Variants in WFDC8 observed in about 807,000 individuals in gnomAD.
The protein encoded by WFDC8 is WAP four-disulfide core domain protein 8.
WFDC8 carries 24 observed loss-of-function variants against 27.0 expected under a neutral mutation model. The observed-to-expected ratio is 0.89, with a 90% CI of 0.64 to 1.25. The LOEUF (loss-of-function observed/expected upper bound fraction) is 1.25, where lower values mean the gene tolerates loss of function less well. WFDC8 is among the 50% of genes most tolerant of loss of function. WFDC8 has a pLI of 0.00. For synonymous variants in WFDC8, 106 were observed against 99.7 expected, an observed-to-expected ratio of 1.06 and a Z score of -0.38; for missense variants, 287 against 295.9, an observed-to-expected ratio of 0.97 and a Z score of 0.22.
At position 45,553,275 on chromosome 20, in the gene WFDC8, A is replaced by T; in HGVS notation, c.447T>A (p.Val149=). 6.2e-7 allele frequency: 1 copy of T among 1,612,590 alleles called. No individual in the cohort carries two copies. The highest frequency in any genetic ancestry group is 1.3e-5 in the African/African-American group (1 of 74,990). The change falls in exon 5 of 6, where the codon GTT becomes GTA. Residue 149 remains valine (V), a splice_region_variant and synonymous_variant. Coordinates refer to ENST00000289953, the MANE Select transcript of WFDC8 (RefSeq NM_130896.3). ...GGAAGAGTGGGCATTGTCCATCCTT[A>T]ACTAAAATAAGAGCAGATGTGAGCT... The part of the protein sequence containing the change: ...DACRTACMLI[V]KDGQCPLFPF...
At chr20:45,572,664 T>C (rs756218363) in intron 1 of WFDC8, among the ~76,000 whole-genome samples, 1 of 152,216 alleles carries the variant, frequency 6.6e-6, no homozygotes, top group Non-Finnish European at 1.5e-5. Context: ...TGGAGTGCAG[T>C]GGTGTGATCT....
intron 1 of WFDC8, among the ~76,000 whole-genome samples, chr20:45,570,672 A>G (rs1407622271): frequency 1.3e-5 from 2 of 152,214 alleles, no homozygotes; most frequent in East Asian, 3.8e-4. Context: ...TTAAATAAAT[A>G]CCAGGAAGTG....
chr20:45,561,306 C>A (rs762581393), intron 2 of WFDC8, among the ~76,000 whole-genome samples: 6 of 152,176 alleles, frequency 3.9e-5, no homozygotes, highest in Non-Finnish European at 8.8e-5. Flanking sequence ...TTCCTCCAGA[C>A]TCATCCTCTA....
chr20:45,572,375 C>T (rs189298457), intron 1 of WFDC8, among the ~76,000 whole-genome samples: 177 of 131,352 alleles, frequency 1.3e-3, no homozygotes, highest in South Asian at 0.011. Flanking sequence ...CCAGCCTGGG[C>T]GACAGAGTGA....
chr20:45,568,448 G>A (rs6065836), intron 1 of WFDC8: 147,998 of 295,098 alleles, frequency 0.5, 38,029 homozygotes, highest in African/African-American at 0.58. Flanking sequence ...TTTGCTGAGT[G>A]TATGTCTTCT....
chr20:45,551,617 CA>C (rs11479142), downstream of WFDC8: 18,876 of 124,376 alleles, frequency 0.15, 1,459 homozygotes, highest in East Asian at 0.34. Context: ...CTCCGTCTCA[CA>C]AAAAAAAAAA....
chr20:45,563,432 G>T (rs1980540129), intron 1 of WFDC8, among the ~76,000 whole-genome samples: 2 of 152,192 alleles, frequency 1.3e-5, no homozygotes, highest in African/African-American at 4.8e-5. Flanking sequence ...TTCACATCCT[G>T]AATCCACCAC....
At chr20:45,555,388 A>G (rs1022926256) in intron 4 of WFDC8, among the ~76,000 whole-genome samples, 34 of 152,220 alleles carry the variant, frequency 2.2e-4, no homozygotes, top group African/African-American at 8.2e-4. Context: ...TATGATGAGG[A>G]AACACCTTCT....
Position 45,558,982 on chromosome 20 carries a change from C to A in WFDC8, c.147G>T (p.Gly49=). 1 of 1,613,784 alleles carries A rather than the reference C, an allele frequency of 6.2e-7. No homozygotes were observed. The highest frequency in any genetic ancestry group is 8.5e-7 in the Non-Finnish European group (1 of 1,179,908). Residue 49 remains glycine (G), a synonymous_variant, in exon 3 of 6, where the codon GGG becomes GGT. Coordinates refer to ENST00000289953, the MANE Select transcript of WFDC8 (RefSeq NM_130896.3). ...AGGTGAGCCTCTCTTTGGGACATAA[C>A]CCTGGTTTGTCTGCAAGAAAGAAAT... ...MLTKKIKHKP[G]LCPKERLTCT...
chr20:45,555,944 C>A, intron 3 of WFDC8, 76 bp from the exon 4 acceptor site: 1 of 1,459,022 alleles, frequency 6.9e-7, no homozygotes, highest in South Asian at 1.2e-5. Context: ...TAGCATTTCT[C>A]ATAACTCCTG....
Position 45,575,532 on chromosome 20 carries a change from GAT to G in WFDC8, c.26+3688_26+3689del, listed in dbSNP as rs374500414. Among the ~76,000 whole-genome samples, 340 of 147,038 alleles carry G rather than the reference GAT, an allele frequency of 2.3e-3. 2 individuals carry two copies. Among genetic ancestry groups the G allele is most frequent in the African/African-American group, 7.8e-3 (322 of 41,076 alleles). ...TGGAGAAGACATAAATAAATGAAAA[GAT>G]ATTTCATATTCATATTTCATATGGA... On this transcript the variant is annotated intron_variant, in intron 1 of 5. Transcript: ENST00000289953.
intron 2 of WFDC8, 22 bp downstream of exon 2, chr20:45,562,088 G>A (rs1403071986): frequency 6.2e-7 from 1 of 1,604,476 alleles, no homozygotes; most frequent in Non-Finnish European, 8.5e-7. Context: ...AGGAAGAATG[G>A]CTGCAGCTTT....
At chr20:45,554,378 G>A (rs1362657752) in intron 4 of WFDC8, among the ~76,000 whole-genome samples, 1 of 152,102 alleles carries the variant, frequency 6.6e-6, no homozygotes. Context: ...AGGTCCAGGT[G>A]GAGATGTAGA....
intron 2 of WFDC8, among the ~76,000 whole-genome samples, chr20:45,561,394 C>A (rs1280254084): frequency 2.6e-5 from 4 of 152,210 alleles, no homozygotes; most frequent in African/African-American, 4.8e-5. Flanking sequence ...TCTGTTCCAA[C>A]ATATTTAAAA....
Position 45,551,916 on chromosome 20 carries a change from A to T in WFDC8, c.*110T>A, listed in dbSNP as rs552566562. Reference sequence around the variant, plus strand: ...TAAAATCAAAGTAACATCATTCAATATTGTGATACTTAAGATAATTTGGCA... The same window carrying T: ...TAAAATCAAAGTAACATCATTCAATTTTGTGATACTTAAGATAATTTGGCA... On this transcript the variant is annotated 3_prime_UTR_variant, in exon 6 of 6. Coordinates refer to ENST00000289953, the MANE Select transcript of WFDC8 (RefSeq NM_130896.3). 294 of 1,283,982 alleles carry T rather than the reference A, an allele frequency of 2.3e-4. 4 individuals carry two copies. In the Middle Eastern group the frequency reaches 3.7e-3, roughly 16 times the overall value. 79.5% of individuals were successfully genotyped at this position (1,283,982 alleles called of 1,614,324 possible). A position where few individuals can be genotyped will look rare whatever the true frequency, so the allele number is the denominator to read the frequency against.
chr20:45,567,177 G>A (rs549617434), intron 1 of WFDC8, among the ~76,000 whole-genome samples: 1 of 152,242 alleles, frequency 6.6e-6, no homozygotes, highest in African/African-American at 2.4e-5. Context: ...CGTTATCAAT[G>A]TTAACTATTT....
intron 3 of WFDC8, among the ~76,000 whole-genome samples, chr20:45,557,981 T>C (rs972924369): frequency 1.3e-5 from 2 of 152,198 alleles, no homozygotes; most frequent in African/African-American, 2.4e-5. Context: ...GAGATCATGA[T>C]GAAGTGAGAC....
chr20:45,573,601 G>A (rs1020988576), intron 1 of WFDC8, among the ~76,000 whole-genome samples: 2 of 152,112 alleles, frequency 1.3e-5, no homozygotes, highest in African/African-American at 4.8e-5. Context: ...ATGGCCTCCA[G>A]CTCCATCCAA....
intron 1 of WFDC8, among the ~76,000 whole-genome samples, chr20:45,567,764 T>C (rs1980731009): frequency 6.6e-6 from 1 of 152,236 alleles, no homozygotes; most frequent in Non-Finnish European, 1.5e-5. Flanking sequence ...GAATAAAGAT[T>C]TGTTAAATGA....
Sources: gnomAD v4.1 joint callset for allele counts (sites outside exome capture counted in the v4.1 genomes callset) on GRCh38, gnomAD v4.1.1 for gene constraint, MANE v1.5 for transcripts, NCBI Gene and HGNC (gene_info 2026-07-23, HGNC 2026-07-21) for gene names.